LIPI: variants seen among roughly 807,000 people sequenced by gnomAD.
LIPI encodes lipase member I.
In LIPI, 59 loss-of-function variants were observed where a neutral mutation model predicts 50.6. That is an observed-to-expected ratio of 1.16 (90% CI 0.94 to 1.45). The LOEUF (loss-of-function observed/expected upper bound fraction) is 1.45. Ranked by LOEUF, LIPI falls within the 40% of genes most tolerant of loss-of-function variation. The pLI is 0.00. For missense variants in LIPI, 586 were observed against 536.3 expected (o/e 1.09, Z -0.92); for synonymous variants, 203 against 178.2 (o/e 1.14, Z -1.11).
chr21:14,111,646 TA>T (rs1310569618), intron 9 of LIPI, among the ~76,000 whole-genome samples: 4 of 152,116 alleles, frequency 2.6e-5, no homozygotes, highest in Non-Finnish European at 5.9e-5. Flanking sequence ...TTTGAGGTCA[TA>T]TCCAAAATAT....
chr21:14,143,481 T>C (rs1437930540), intron 9 of LIPI: 2 of 152,168 alleles, frequency 1.3e-5, no homozygotes, highest in Non-Finnish European at 2.9e-5. Context: ...TTATTATCAT[T>C]TATTATTTTT....
chr21:14,133,824 TAC>T (rs1300487587), intron 9 of LIPI, among the ~76,000 whole-genome samples: 1 of 152,236 alleles, frequency 6.6e-6, no homozygotes, highest in Non-Finnish European at 1.5e-5. Flanking sequence ...AGTGTTTCTA[TAC>T]ATCAATAATG....
chr21:14,137,078 T>C (rs2155961), intron 9 of LIPI, among the ~76,000 whole-genome samples: 4,183 of 152,008 alleles, frequency 0.028, 183 homozygotes, highest in African/African-American at 0.092. Context: ...GACCCAAGTG[T>C]TTTAAAAGGT....
intron 9 of LIPI, among the ~76,000 whole-genome samples, chr21:14,142,485 A>T (rs186204742): frequency 2.3e-4 from 33 of 145,716 alleles, no homozygotes; most frequent in East Asian, 5.9e-4. Flanking sequence ...TTATATATAT[A>T]TTTTGTTGTT....
intron 7 of LIPI, among the ~76,000 whole-genome samples, chr21:14,163,015 G>A (rs983115264): frequency 1.3e-5 from 2 of 151,304 alleles, no homozygotes; most frequent in Non-Finnish European, 3.0e-5. Flanking sequence ...AATGTATTAT[G>A]AGGATTACTA....
At chr21:14,162,358 G>C (rs1365546840) in intron 7 of LIPI, among the ~76,000 whole-genome samples, 4 of 151,658 alleles carry the variant, frequency 2.6e-5, no homozygotes, top group African/African-American at 9.7e-5. Flanking sequence ...ATTCCTTGTG[G>C]TGATGAACTG....
At chr21:14,160,484 A>T (rs1442393293) in intron 7 of LIPI, among the ~76,000 whole-genome samples, 5 of 136,174 alleles carry the variant, frequency 3.7e-5, no homozygotes, top group Middle Eastern at 3.6e-3. Context: ...CTGGAGCTAT[A>T]AAAAAAACTA....
intron 1 of LIPI, among the ~76,000 whole-genome samples, chr21:14,206,534 C>T (rs149331480): frequency 1.2e-4 from 19 of 152,088 alleles, no homozygotes; most frequent in African/African-American, 4.6e-4. Flanking sequence ...TAAAACTTAG[C>T]CATAAAAAGC....
intron 9 of LIPI, among the ~76,000 whole-genome samples, chr21:14,121,160 G>A (rs550871368): frequency 5.9e-5 from 9 of 152,208 alleles, no homozygotes; most frequent in Non-Finnish European, 1.3e-4. Flanking sequence ...GATTTAGAAT[G>A]CCTCTACCTT....
intron 1 of LIPI, among the ~76,000 whole-genome samples, chr21:14,203,179 AAAC>A (rs1472366565): frequency 6.6e-6 from 1 of 152,130 alleles, no homozygotes; most frequent in Non-Finnish European, 1.5e-5. Flanking sequence ...AAAAGTCAGG[AAAC>A]AACAGGTGCT....
chr21:14,109,857 A>G (rs988146051), intron 9 of LIPI, among the ~76,000 whole-genome samples: 20 of 128,856 alleles, frequency 1.6e-4, no homozygotes, highest in African/African-American at 5.2e-4. Context: ...GTCCTTTTAC[A>G]TTGTAAAAGT....
At chr21:14,146,357 C>T (rs1568848716) in intron 8 of LIPI, among the ~76,000 whole-genome samples, 1 of 152,150 alleles carries the variant, frequency 6.6e-6, no homozygotes. Context: ...CCACCTATTA[C>T]CCAAGTCAAA....
intron 1 of LIPI, among the ~76,000 whole-genome samples, chr21:14,194,216 G>A (rs2123302919): frequency 6.6e-6 from 1 of 152,230 alleles, no homozygotes; most frequent in Non-Finnish European, 1.5e-5. Context: ...GTTATAAAAT[G>A]GTGTAGCTGC....
At position 14,166,342 on chromosome 21, in the gene LIPI, C is replaced by A. The variant is rs780229568; in HGVS notation, c.733+20G>T. ...CATTTCGAATATTATGTAGTTCATT[C>A]AAAAATACTGTCAGTATACCTGAGA... On this transcript the variant is annotated intron_variant, in intron 5 of 9. Coordinates refer to ENST00000681601, the MANE Select transcript of LIPI (RefSeq NM_001302998.2). 2 of 1,329,950 alleles carry A rather than the reference C, an allele frequency of 1.5e-6. No homozygotes were observed. The highest frequency in any genetic ancestry group is 1.2e-5 in the South Asian group (1 of 85,252). 82.4% of individuals were successfully genotyped at this position (1,329,950 alleles called of 1,614,324 possible).
chr21:14,132,651 ACACT>A (rs2017339862), intron 9 of LIPI, among the ~76,000 whole-genome samples: 3 of 152,192 alleles, frequency 2.0e-5, no homozygotes, highest in Admixed American at 6.5e-5. Flanking sequence ...TTCTTATAAA[ACACT>A]CACACAAAGG....
chr21:14,165,227 C>A lies in LIPI; in HGVS notation c.897G>T (p.Arg299=), dbSNP rs745474120. 1.4e-5 allele frequency: 23 copies of A among 1,604,334 alleles called. No homozygotes were observed. In the Middle Eastern group the frequency reaches 2.8e-3, roughly 197 times the overall value. The change falls in exon 6 of 10, where the codon CGG becomes CGT. Residue 299 remains arginine, a synonymous_variant. Transcript: ENST00000681601. ...CDCFKEKSCP[R]LGYQAKLFKG... ...AACTATAATAATCTCTCTTACCCAG[C>A]CGAGGACATGATTTTTCCTTAAAAC...
At chr21:14,166,300 AAGTT>A (rs1228044119) in intron 5 of LIPI, 58 bp downstream of exon 5, 1 of 956,878 alleles carries the variant, frequency 1.0e-6, no homozygotes, top group African/African-American at 1.6e-5. Context: ...GGGGAAAAGT[AAGTT>A]ATTTTCTTTC....
intron 7 of LIPI, among the ~76,000 whole-genome samples, chr21:14,162,059 C>A (rs2018516906): frequency 6.8e-6 from 1 of 147,578 alleles, no homozygotes; most frequent in African/African-American, 2.5e-5. Flanking sequence ...ATATCTCTAC[C>A]CCTATTGATA....
chr21:14,146,634 A>G (rs1487218480), intron 8 of LIPI, among the ~76,000 whole-genome samples: 1 of 152,144 alleles, frequency 6.6e-6, no homozygotes, highest in East Asian at 1.9e-4. Flanking sequence ...TGACTGCCAC[A>G]ACTAAAATAC....
Sources: gnomAD v4.1 joint callset for allele counts (sites outside exome capture counted in the v4.1 genomes callset) on GRCh38, gnomAD v4.1.1 for gene constraint, MANE v1.5 for transcripts, NCBI Gene and HGNC (gene_info 2026-07-23, HGNC 2026-07-21) for gene names.